LRATD2: variants seen among roughly 807,000 people sequenced by gnomAD.
The protein encoded by LRATD2 is protein LRATD2.
LRATD2 carries 10 observed loss-of-function variants against 12.0 expected under a neutral mutation model. The observed-to-expected ratio is 0.83, with a 90% CI of 0.51 to 1.41. The LOEUF (loss-of-function observed/expected upper bound fraction) is 1.41. Among genes scored for constraint, LRATD2 ranks in the 40% most tolerant of loss-of-function variants. The pLI is 0.00. For missense variants in LRATD2, 455 were observed against 446.1 expected, an observed-to-expected ratio of 1.02 and a Z score of -0.18; for synonymous variants, 220 against 205.8, an observed-to-expected ratio of 1.07 and a Z score of -0.59.
chr8:126,553,500 A>G lies in LRATD2; in HGVS notation c.*2957T>C, dbSNP rs1214079013. The G allele has an allele frequency of 1.3e-5, 2 of 152,670 alleles. No individual in the cohort carries two copies. The highest frequency in any genetic ancestry group is 2.9e-5 in the Non-Finnish European group (2 of 68,044). The allele number at this position is 152,670 out of a possible 1,614,324, so 9.5% of individuals were successfully genotyped here. ...CAGTACAAAACAGTTCTACAGTCTT[A>G]TTCCTAAGGAGAAACAAAAATTATT... On this transcript the variant is annotated 3_prime_UTR_variant, in exon 2 of 2. Coordinates refer to ENST00000304916, the MANE Select transcript of LRATD2 (RefSeq NM_174911.5).
rs144431781 is a variant in LRATD2, at chr8:126,556,588, C to T, written c.802G>A (p.Glu268Lys). 1.5e-5 allele frequency: 24 copies of T among 1,609,822 alleles called. No homozygotes were observed. In the African/African-American group the frequency reaches 2.9e-4, roughly 20 times the overall value. The change falls in exon 2 of 2, where the codon GAG becomes AAG. Residue 268 changes from glutamate (E) to lysine (K), a missense_variant. By Grantham distance (56) the Glu-to-Lys change is moderately conservative (BLOSUM62 1). Coordinates refer to ENST00000304916, the MANE Select transcript of LRATD2 (RefSeq NM_174911.5). This position sits in a 1 kb window ranked among gnomAD's most constrained non-coding sequence, Gnocchi z 5.6. ...DQIGRAAVLQ[E>K]LATHLHPAEP... is the part of the protein sequence containing the mutation. The stretch of plus-strand genomic sequence containing the variant: ...GCCGGGTGCAGGTGCGTGGCGAGCT[C>T]CTGCAGCACGGCCGCGCGCCCGATC...
rs528722301 is a variant in LRATD2, at chr8:126,553,515, C to A, written c.*2942G>T. ...CTACAGTCTTATTCCTAAGGAGAAA[C>A]AAAAATTATTAAATATGTTTATTTT... On this transcript the variant is annotated 3_prime_UTR_variant, in exon 2 of 2. Coordinates refer to ENST00000304916, the MANE Select transcript of LRATD2 (RefSeq NM_174911.5). 4.4e-4 allele frequency: 67 copies of A among 152,648 alleles called. No homozygotes were observed. The highest frequency in any genetic ancestry group is 3.1e-3 in the Admixed American group (47 of 15,292). The allele number at this position is 152,648 out of a possible 1,614,324, so 9.5% of individuals were successfully genotyped here. A position where few individuals can be genotyped will look rare whatever the true frequency, so the allele number is the denominator to read the frequency against.
In LRATD2 at chr8:126,556,380, A is replaced by T; in HGVS notation, c.*77T>A. ...GGGCCCAGACAGTGGCAAAAGAGGGAGGAAGAGAGGGAGAAAGGGAGCAGC... is the reference window on the plus strand; with the variant it reads ...GGGCCCAGACAGTGGCAAAAGAGGGTGGAAGAGAGGGAGAAAGGGAGCAGC... On this transcript the variant is annotated 3_prime_UTR_variant, in exon 2 of 2. Transcript: ENST00000304916. The surrounding 1 kb of genome is among the most constrained non-coding windows in gnomAD (Gnocchi z 5.6). The T allele has an allele frequency of 7.0e-7, 1 of 1,432,512 alleles. No individual in the cohort carries two copies. Among genetic ancestry groups the T allele is most frequent in the Non-Finnish European group, 9.3e-7 (1 of 1,081,014 alleles). The allele number at this position is 1,432,512 out of a possible 1,614,324, so 88.7% of individuals were successfully genotyped here. A position where few individuals can be genotyped will look rare whatever the true frequency, so the allele number is the denominator to read the frequency against.
Position 126,556,134 on chromosome 8 carries a change from G to C in LRATD2, c.*323C>G. The C allele has an allele frequency of 2.8e-6, 1 of 362,616 alleles. No individual in the cohort carries two copies. Among genetic ancestry groups the C allele is most frequent in the Non-Finnish European group, 4.9e-6 (1 of 202,236 alleles). The allele number at this position is 362,616 out of a possible 1,614,324, so 22.5% of individuals were successfully genotyped here. On this transcript the variant is annotated 3_prime_UTR_variant, in exon 2 of 2. Transcript: ENST00000304916. The surrounding 1 kb of genome is among the most constrained non-coding windows in gnomAD (Gnocchi z 5.6). Reference sequence around the variant, plus strand: ...CCCCCAACCCCACGTGCTTAAGAATGGCCGATTATAAACCCAGATCTACCA... The same window carrying C: ...CCCCCAACCCCACGTGCTTAAGAATCGCCGATTATAAACCCAGATCTACCA...
rs73335144 is a variant in LRATD2, at chr8:126,557,577, C to T, written c.-96-92G>A. On this transcript the variant is annotated intron_variant, in intron 1 of 1. Transcript: ENST00000304916. The surrounding 1 kb of genome is among the most constrained non-coding windows in gnomAD (Gnocchi z 5.3). ...AAAAGAATCGGTGGGGGCTCAGCAC[C>T]TGGAGCCATTTTAGGGGGAAGTCTC... 7,598 of 634,152 alleles carry T rather than the reference C, an allele frequency of 0.012. 473 individuals carry two copies. The African/African-American group carries it at 0.13, about 11-fold the overall frequency. The allele number at this position is 634,152 out of a possible 1,614,324, so 39.3% of individuals were successfully genotyped here. A position where few individuals can be genotyped will look rare whatever the true frequency, so the allele number is the denominator to read the frequency against.
rs144431781 is a variant in LRATD2, at chr8:126,556,588, C to G, written c.802G>C (p.Glu268Gln). The G allele has an allele frequency of 6.1e-5, 99 of 1,609,822 alleles. No individual in the cohort carries two copies. Among genetic ancestry groups the G allele is most frequent in the Non-Finnish European group, 8.0e-5 (94 of 1,178,196 alleles). ...GCCGGGTGCAGGTGCGTGGCGAGCT[C>G]CTGCAGCACGGCCGCGCGCCCGATC... ...DQIGRAAVLQ[E>Q]LATHLHPAEP... is the part of the protein sequence containing the mutation. The change falls in exon 2 of 2, where the codon GAG becomes CAG. Residue 268 changes from glutamate (E) to glutamine (Q), a missense_variant. Glu to Gln is a conservative substitution (Grantham distance 29). Transcript: ENST00000304916. The surrounding 1 kb of genome is among the most constrained non-coding windows in gnomAD (Gnocchi z 5.6).
Position 126,555,205 on chromosome 8 carries a change from A to C in LRATD2, c.*1252T>G, listed in dbSNP as rs906042432. 3.3e-5 allele frequency: 5 copies of C among 152,212 alleles called. No homozygotes were observed. Among genetic ancestry groups the C allele is most frequent in the Admixed American group, 1.3e-4 (2 of 15,278 alleles). The allele number at this position is 152,212 out of a possible 1,614,324, so 9.4% of individuals were successfully genotyped here. A position where few individuals can be genotyped will look rare whatever the true frequency, so the allele number is the denominator to read the frequency against. On this transcript the variant is annotated 3_prime_UTR_variant, in exon 2 of 2. Transcript: ENST00000304916. ...AGCAACAAGGAGACTGCTTCAGTAC[A>C]AGACTTTGCACCTTGAATTCAATTG...
Position 126,557,192 on chromosome 8 carries a change from C to A in LRATD2, c.198G>T (p.Pro66=). Residue 66 remains proline, a synonymous_variant, in exon 2 of 2, where the codon CCG becomes CCT. Coordinates refer to ENST00000304916, the MANE Select transcript of LRATD2 (RefSeq NM_174911.5). This position sits in a 1 kb window ranked among gnomAD's most constrained non-coding sequence, Gnocchi z 5.3. ...CGTAGGGCTGCGGCTGGGGCGGCGG[C>A]GGCCCGTCCCCACCGTCGGGCAAGC... The part of the protein sequence containing the change: ...GGGLPDGGDG[P]PPPQPQPYDP... 1 of 1,602,330 alleles carries A rather than the reference C, an allele frequency of 6.2e-7. No homozygotes were observed. The highest frequency in any genetic ancestry group is 8.5e-7 in the Non-Finnish European group (1 of 1,175,254).
Position 126,556,825 on chromosome 8 carries a change from C to G in LRATD2, c.565G>C (p.Val189Leu). Residue 189 changes from valine (V) to leucine (L), a missense_variant, in exon 2 of 2, where the codon GTG becomes CTG. Coordinates refer to ENST00000304916, the MANE Select transcript of LRATD2 (RefSeq NM_174911.5). The surrounding 1 kb of genome is among the most constrained non-coding windows in gnomAD (Gnocchi z 5.6). Reference sequence around the variant, plus strand: ...CTCAGCTCGCGCTCCTTGGCACCCACGTGCGCCAGCGCGTTGCGCACCACG... The same window carrying G: ...CTCAGCTCGCGCTCCTTGGCACCCAGGTGCGCCAGCGCGTTGCGCACCACG... ...SAVVRNALAH[V>L]GAKERELSWR... The G allele has an allele frequency of 6.2e-7, 1 of 1,603,168 alleles. No homozygotes were observed. Among genetic ancestry groups the G allele is most frequent in the Non-Finnish European group, 8.5e-7 (1 of 1,178,242 alleles).
Position 126,556,343 on chromosome 8 carries a change from G to T in LRATD2, c.*114C>A. 8.0e-7 allele frequency: 1 copy of T among 1,249,592 alleles called. No homozygotes were observed. Among genetic ancestry groups the T allele is most frequent in the Non-Finnish European group, 1.1e-6 (1 of 933,532 alleles). The allele number at this position is 1,249,592 out of a possible 1,614,324, so 77.4% of individuals were successfully genotyped here. ...ACCAACTCTTTTCCAAAGGGCCCAG[G>T]AATCCCAGATGGGGCCCAGACAGTG... On this transcript the variant is annotated 3_prime_UTR_variant, in exon 2 of 2. Coordinates refer to ENST00000304916, the MANE Select transcript of LRATD2 (RefSeq NM_174911.5). The surrounding 1 kb of genome is among the most constrained non-coding windows in gnomAD (Gnocchi z 5.6).
rs766306917 is a variant in LRATD2 at position 126,556,705 on chromosome 8, G to A, written c.685C>T (p.Arg229Trp). 1 of 1,608,640 alleles carries A rather than the reference G, an allele frequency of 6.2e-7. No individual in the cohort carries two copies. The highest frequency in any genetic ancestry group is 8.5e-7 in the Non-Finnish European group (1 of 1,177,966). The stretch of plus-strand genomic sequence containing the variant: ...TGCGCCGACAGCTGAATCTGCAGCC[G>A]GTAGGGCTGCTTGCCGATGCGCAGC... ...GELRIGKQPY[R>W]LQIQLSAQRS... The change falls in exon 2 of 2, where the codon CGG (arginine) becomes TGG (tryptophan). Residue 229 changes from arginine (R) to tryptophan (W), a missense_variant. Arg to Trp is a moderately radical substitution (Grantham distance 101). Coordinates refer to ENST00000304916, the MANE Select transcript of LRATD2 (RefSeq NM_174911.5). This position sits in a 1 kb window ranked among gnomAD's most constrained non-coding sequence, Gnocchi z 5.6.
rs190825769 is a variant in LRATD2, at chr8:126,557,446, G to C, written c.-57C>G. On this transcript the variant is annotated 5_prime_UTR_variant, in exon 2 of 2. Coordinates refer to ENST00000304916, the MANE Select transcript of LRATD2 (RefSeq NM_174911.5). This position sits in a 1 kb window ranked among gnomAD's most constrained non-coding sequence, Gnocchi z 5.3. Reference sequence around the variant, plus strand: ...AGGGGAGAAAGCGAAACCAACTCCAGGGTCATTTGCACAGGTCCCCGGACA... The same window carrying C: ...AGGGGAGAAAGCGAAACCAACTCCACGGTCATTTGCACAGGTCCCCGGACA... 727 of 1,579,100 alleles carry C rather than the reference G, an allele frequency of 4.6e-4. 3 individuals carry two copies. The African/African-American group carries it at 8.9e-3, about 19-fold the overall frequency.
In LRATD2 at chr8:126,557,712, C is replaced by A; in HGVS notation, c.-96-227G>T. The A allele has an allele frequency of 2.8e-6, 1 of 362,706 alleles. No homozygotes were observed. The allele number at this position is 362,706 out of a possible 1,614,324, so 22.5% of individuals were successfully genotyped here. On this transcript the variant is annotated intron_variant, in intron 1 of 1. Transcript: ENST00000304916. The surrounding 1 kb of genome is among the most constrained non-coding windows in gnomAD (Gnocchi z 5.3). The stretch of plus-strand genomic sequence containing the variant: ...GCCCTTCGCCTGGCCCTGGCAAAAG[C>A]CCATTGCATCAGCAGCTTCTACTGC...
chr8:126,556,804 G>C lies in LRATD2; in HGVS notation c.586C>G (p.Leu196Val). The change falls in exon 2 of 2, where the codon CTG (leucine) becomes GTG (valine). Residue 196 changes from leucine to valine, a missense_variant. Coordinates refer to ENST00000304916, the MANE Select transcript of LRATD2 (RefSeq NM_174911.5). This position sits in a 1 kb window ranked among gnomAD's most constrained non-coding sequence, Gnocchi z 5.6. ...AAACTCTCCGAGTTGCGCCAGCTCAGCTCGCGCTCCTTGGCACCCACGTGC... is the reference window on the plus strand; with the variant it reads ...AAACTCTCCGAGTTGCGCCAGCTCACCTCGCGCTCCTTGGCACCCACGTGC... ...LAHVGAKERE[L>V]SWRNSESFAA... 1.3e-6 allele frequency: 2 copies of C among 1,599,452 alleles called. No individual in the cohort carries two copies. Among genetic ancestry groups the C allele is most frequent in the Admixed American group, 1.7e-5 (1 of 58,838 alleles).
rs1179199180 is a variant in LRATD2 at position 126,556,340 on chromosome 8, C to G, written c.*117G>C. 1.6e-6 allele frequency: 2 copies of G among 1,237,810 alleles called. 1 individual carries two copies. Among genetic ancestry groups the G allele is most frequent in the South Asian group, 3.4e-5 (2 of 59,288 alleles). 76.7% of individuals were successfully genotyped at this position (1,237,810 alleles called of 1,614,324 possible). A position where few individuals can be genotyped will look rare whatever the true frequency, so the allele number is the denominator to read the frequency against. On this transcript the variant is annotated 3_prime_UTR_variant, in exon 2 of 2. Transcript: ENST00000304916. This position sits in a 1 kb window ranked among gnomAD's most constrained non-coding sequence, Gnocchi z 5.6. ...TTCACCAACTCTTTTCCAAAGGGCC[C>G]AGGAATCCCAGATGGGGCCCAGACA...
rs758887907 is a variant in LRATD2 at position 126,556,732 on chromosome 8, C to A, written c.658G>T (p.Glu220Ter). Reference protein sequence around the residue: ...YGKREFKIGGELRIGKQPYRL... With the variant: ...YGKREFKIGG Reference sequence around the variant, plus strand: ...TAGGGCTGCTTGCCGATGCGCAGCTCGCCGCCGATCTTGAACTCGCGCTTG... The same window carrying A: ...TAGGGCTGCTTGCCGATGCGCAGCTAGCCGCCGATCTTGAACTCGCGCTTG... The change falls in exon 2 of 2, where the codon GAG becomes TAG. Residue 220 changes from glutamate to a stop codon, truncating the protein, a stop_gained. Coordinates refer to ENST00000304916, the MANE Select transcript of LRATD2 (RefSeq NM_174911.5). LOFTEE classifies it high-confidence loss of function. The surrounding 1 kb of genome is among the most constrained non-coding windows in gnomAD (Gnocchi z 5.6). The A allele has an allele frequency of 6.2e-7, 1 of 1,603,602 alleles. No homozygotes were observed. The highest frequency in any genetic ancestry group is 1.1e-5 in the South Asian group (1 of 90,154).
rs565358693 is a variant in LRATD2, at chr8:126,556,508, G to C, written c.882C>G (p.Arg294=). The C allele has an allele frequency of 2.5e-6, 4 of 1,593,268 alleles. No individual in the cohort carries two copies. The South Asian group carries it at 3.4e-5, about 14-fold the overall frequency. ...CCTCCTCGGAGCTGGGCGCAGGGGG[G>C]CGCCCGGGAGGCGGCGTAGTCCGCG... ...NVARTTPPPG[R]PPAPSSEEED... is the part of the protein sequence containing the mutation. Residue 294 remains arginine, a synonymous_variant, in exon 2 of 2, where the codon CGC becomes CGG. Coordinates refer to ENST00000304916, the MANE Select transcript of LRATD2 (RefSeq NM_174911.5). This position sits in a 1 kb window ranked among gnomAD's most constrained non-coding sequence, Gnocchi z 5.6.
Position 126,557,576 on chromosome 8 carries a change from C to A in LRATD2, c.-96-91G>T. The A allele has an allele frequency of 1.6e-6, 1 of 635,012 alleles. No homozygotes were observed. The highest frequency in any genetic ancestry group is 2.7e-6 in the Non-Finnish European group (1 of 370,190). The allele number at this position is 635,012 out of a possible 1,614,324, so 39.3% of individuals were successfully genotyped here. On this transcript the variant is annotated intron_variant, in intron 1 of 1. Coordinates refer to ENST00000304916, the MANE Select transcript of LRATD2 (RefSeq NM_174911.5). The surrounding 1 kb of genome is among the most constrained non-coding windows in gnomAD (Gnocchi z 5.3). ...AAAAAGAATCGGTGGGGGCTCAGCA[C>A]CTGGAGCCATTTTAGGGGGAAGTCT...
rs914319549 is a variant in LRATD2 at position 126,556,234 on chromosome 8, G to T, written c.*223C>A. ...GACAGACAGGGGGCCAGAGGGAGAC[G>T]CCCCCCACCCCCAACTAAAGTGTTT... is the stretch of plus-strand genomic sequence containing the variant. On this transcript the variant is annotated 3_prime_UTR_variant, in exon 2 of 2. Transcript: ENST00000304916. This position sits in a 1 kb window ranked among gnomAD's most constrained non-coding sequence, Gnocchi z 5.6. The T allele has an allele frequency of 7.5e-6, 4 of 531,920 alleles. No homozygotes were observed. Among genetic ancestry groups the T allele is most frequent in the African/African-American group, 6.0e-5 (3 of 49,620 alleles). The allele number at this position is 531,920 out of a possible 1,614,324, so 33.0% of individuals were successfully genotyped here. A position where few individuals can be genotyped will look rare whatever the true frequency, so the allele number is the denominator to read the frequency against.
Sources: gnomAD v4.1 joint callset for allele counts on GRCh38, gnomAD v4.1.1 for gene constraint, Gnocchi (gnomAD v3.1) non-coding constraint, MANE v1.5 for transcripts, NCBI Gene and HGNC (gene_info 2026-07-23, HGNC 2026-07-21) for gene names.